Variants in SLC25A48 observed in about 807,000 individuals in gnomAD.
SLC25A48 encodes solute carrier family 25 member 48.
A neutral mutation model predicts 32.2 loss-of-function variants in SLC25A48; 29 were observed. The observed-to-expected ratio is 0.90, with a 90% CI of 0.67 to 1.23. The LOEUF (loss-of-function observed/expected upper bound fraction) is 1.23. Among genes scored for constraint, SLC25A48 ranks in the 50% most tolerant of loss-of-function variants. SLC25A48 has a pLI of 0.00. For synonymous variants in SLC25A48, 164 were observed against 172.3 expected, an observed-to-expected ratio of 0.95 and a Z score of 0.38; for missense variants, 399 against 422.7, an observed-to-expected ratio of 0.94 and a Z score of 0.49.
At chr5:135,583,266 A>G (rs1442318074) in intron 1 of SLC25A48, among the ~76,000 whole-genome samples, 1 of 151,660 alleles carries the variant, frequency 6.6e-6, no homozygotes, top group African/African-American at 2.4e-5. Flanking sequence ...TCCTCAGGGC[A>G]TTTGTTTTAG....
chr5:135,778,170 G>T (rs1458404691), intron 3 of SLC25A48, among the ~76,000 whole-genome samples: 3 of 151,562 alleles, frequency 2.0e-5, no homozygotes, highest in African/African-American at 4.9e-5. Flanking sequence ...CTAATATTAA[G>T]GGGGGGAGAG....
chr5:135,733,532 T>A (rs927988202), intron 3 of SLC25A48, among the ~76,000 whole-genome samples: 1 of 152,156 alleles, frequency 6.6e-6, no homozygotes, highest in African/African-American at 2.4e-5. Context: ...TTGGAAGTTA[T>A]GAGAACTGTA....
At chr5:135,583,199 TTTGC>T (rs1469325626) in intron 1 of SLC25A48, among the ~76,000 whole-genome samples, 1 of 149,908 alleles carries the variant, frequency 6.7e-6, no homozygotes, top group Non-Finnish European at 1.5e-5. Flanking sequence ...TGTGTGTGTG[TTTGC>T]GTGTGTGTAG....
chr5:135,723,313 G>T (rs1051228753), intron 3 of SLC25A48, among the ~76,000 whole-genome samples: 2 of 151,806 alleles, frequency 1.3e-5, no homozygotes, highest in Non-Finnish European at 1.5e-5. Context: ...CATTCAATGG[G>T]AGCTGAAACT....
chr5:135,706,835 C>G (rs1754522840), intron 3 of SLC25A48, among the ~76,000 whole-genome samples: 1 of 152,232 alleles, frequency 6.6e-6, no homozygotes, highest in South Asian at 2.1e-4. Flanking sequence ...ATGAGGAACA[C>G]TGTCAGGCAG....
At chr5:135,823,842 C>T (rs777729879) in intron 4 of SLC25A48, among the ~76,000 whole-genome samples, 1 of 152,184 alleles carries the variant, frequency 6.6e-6, no homozygotes, top group Non-Finnish European at 1.5e-5. Context: ...AAGCATTAGC[C>T]CATGCAGAGC....
At chr5:135,736,889 G>A (rs759656792) in intron 3 of SLC25A48, among the ~76,000 whole-genome samples, 2 of 152,134 alleles carry the variant, frequency 1.3e-5, no homozygotes, top group African/African-American at 4.8e-5. Flanking sequence ...AGGAGAAAGA[G>A]GTTGAGGGAT....
intron 3 of SLC25A48, among the ~76,000 whole-genome samples, chr5:135,766,985 T>C (rs1349343532): frequency 6.6e-6 from 1 of 151,796 alleles, no homozygotes; most frequent in African/African-American, 2.4e-5. Context: ...ATATGGTTCG[T>C]AATATACAGG....
intron 6 of SLC25A48, chr5:135,876,131 C>CTTTTTTTTTTTTTTT (rs1182130199): frequency 1.0e-3 from 25 of 24,404 alleles, no homozygotes; most frequent in Non-Finnish European, 1.9e-3. Context: ...TTTTCTTCTT[C>CTTTTTTTTTTTTTTT]TTTTTTTTTT....
intron 3 of SLC25A48, among the ~76,000 whole-genome samples, chr5:135,808,240 C>T (rs148778820): frequency 0.02 from 3,013 of 149,992 alleles, 50 homozygotes; most frequent in Non-Finnish European, 0.032. Context: ...TGTATTAACA[C>T]TTGATATTAT....
At chr5:135,711,952 A>G (rs1754677477) in intron 3 of SLC25A48, among the ~76,000 whole-genome samples, 1 of 136,074 alleles carries the variant, frequency 7.3e-6, no homozygotes, top group South Asian at 2.5e-4. Context: ...CCACCCAGGC[A>G]TCCTGCAGGC....
At position 135,651,639 on chromosome 5, in the gene SLC25A48, C is replaced by A. The variant is rs552033784; in HGVS notation, c.-521+16683C>A. On this transcript the variant is annotated intron_variant, in intron 3 of 10. Transcript: ENST00000646290. Reference sequence around the variant, plus strand: ...TATCTGCTGTTCTTATATTCTTTAACTCTTACCAGAGTTAATTCTGCTCTT... The same window carrying A: ...TATCTGCTGTTCTTATATTCTTTAAATCTTACCAGAGTTAATTCTGCTCTT... Among the ~76,000 whole-genome samples the A allele has an allele frequency of 1.6e-4, 24 of 152,324 alleles. No individual in the cohort carries two copies. The South Asian group carries it at 4.1e-3, about 26-fold the overall frequency.
At position 135,669,582 on chromosome 5, in the gene SLC25A48, G is replaced by T. The variant is rs540934542; in HGVS notation, c.-521+34626G>T. ...GTTATCCTAACTGAGTGGTGAAGCA[G>T]CTGGGGATTTTATCACCATGCCCAC... On this transcript the variant is annotated intron_variant, in intron 3 of 10. Transcript: ENST00000646290. 1.2e-4 allele frequency among the ~76,000 whole-genome samples: 19 copies of T among 152,288 alleles called. No homozygotes were observed. In the South Asian group the frequency reaches 2.9e-3, roughly 23 times the overall value.
intron 3 of SLC25A48, among the ~76,000 whole-genome samples, chr5:135,700,960 C>T (rs1561454871): frequency 6.6e-6 from 1 of 152,194 alleles, no homozygotes; most frequent in African/African-American, 2.4e-5. Flanking sequence ...TGGGGGAGCT[C>T]ACTTTCCTGC....
chr5:135,874,907 G>A lies in SLC25A48; in HGVS notation c.813+753G>A, dbSNP rs1761934838. 3 of 459,942 alleles carry A rather than the reference G, an allele frequency of 6.5e-6. No individual in the cohort carries two copies. In the Admixed American group the frequency reaches 1.3e-4, roughly 20 times the overall value. The allele number at this position is 459,942 out of a possible 1,614,324, so 28.5% of individuals were successfully genotyped here. A position where few individuals can be genotyped will look rare whatever the true frequency, so the allele number is the denominator to read the frequency against. On this transcript the variant is annotated intron_variant, in intron 6 of 7. Transcript: ENST00000681962. ...TGTGGCTCTTAGAGTCAGCAGACAT[G>A]GGTTCAAAGTCAGATGTAGCTACTG... is the stretch of plus-strand genomic sequence containing the variant.
chr5:135,769,539 G>T (rs1756345161), intron 3 of SLC25A48, among the ~76,000 whole-genome samples: 1 of 151,432 alleles, frequency 6.6e-6, no homozygotes, highest in African/African-American at 2.4e-5. Context: ...CCCTACTGGG[G>T]TATTGTTTGT....
chr5:135,802,458 T>C (rs114214563), intron 3 of SLC25A48, among the ~76,000 whole-genome samples: 3,413 of 151,794 alleles, frequency 0.022, 54 homozygotes, highest in Non-Finnish European at 0.031. Flanking sequence ...TTACTCCTAC[T>C]ATCACAGTGG....
chr5:135,734,004 G>A (rs1284700950), intron 3 of SLC25A48, among the ~76,000 whole-genome samples: 1 of 152,052 alleles, frequency 6.6e-6, no homozygotes, highest in Non-Finnish European at 1.5e-5. Flanking sequence ...TTTAGGACAG[G>A]TAAAATGGGG....
chr5:135,604,830 T>A (rs970910943), intron 1 of SLC25A48, among the ~76,000 whole-genome samples: 1 of 152,168 alleles, frequency 6.6e-6, no homozygotes, highest in African/African-American at 2.4e-5. Flanking sequence ...AGCATGGTCT[T>A]TGGAGTCAGA....
Sources: allele counts gnomAD v4.1 joint callset (sites outside exome capture counted in the v4.1 genomes callset), GRCh38; gene constraint gnomAD v4.1.1; transcripts MANE v1.5; gene names NCBI Gene and HGNC (gene_info 2026-07-23, HGNC 2026-07-21).